The following SEC16B variants were observed in gnomAD, a reference collection of about 807,000 sequenced individuals.
The protein encoded by SEC16B is protein transport protein Sec16B.
SEC16B carries 115 observed loss-of-function variants against 141.8 expected under a neutral mutation model. That is an observed-to-expected ratio of 0.81 (90% CI 0.70 to 0.95). SEC16B has a LOEUF of 0.95. Among genes scored for constraint, SEC16B ranks in the 40% least tolerant of loss-of-function variants. SEC16B has a pLI of 0.00. For missense variants in SEC16B, 1,291 were observed against 1,312.3 expected (o/e 0.98, Z 0.25); for synonymous variants, 493 against 492.5 (o/e 1.00, Z -0.01).
intron 17 of SEC16B, among the ~76,000 whole-genome samples, chr1:177,940,063 G>A (rs1475755928): frequency 6.6e-6 from 1 of 152,146 alleles, no homozygotes; most frequent in African/African-American, 2.4e-5. Context: ...GCAGATAGAA[G>A]GGGTAGAGGC....
At chr1:177,935,842 G>A (rs1650799118) in intron 20 of SEC16B, among the ~76,000 whole-genome samples, 1 of 152,188 alleles carries the variant, frequency 6.6e-6, no homozygotes, top group African/African-American at 2.4e-5. Flanking sequence ...TAGATGGAAT[G>A]ATTCACCAGA....
intron 20 of SEC16B, among the ~76,000 whole-genome samples, chr1:177,934,016 T>G (rs1268201631): frequency 6.7e-6 from 1 of 148,616 alleles, no homozygotes; most frequent in African/African-American, 2.5e-5. Flanking sequence ...AAACAGAGAA[T>G]GTAGCAACCA....
chr1:177,944,735 C>T, intron 14 of SEC16B, 69 bp from the exon 15 acceptor site: 1 of 1,243,362 alleles, frequency 8.0e-7, no homozygotes, highest in Admixed American at 1.8e-5. Flanking sequence ...CCTAGTGGCT[C>T]TCCAAACACC....
At chr1:177,953,720 T>C (rs1652381203) in intron 11 of SEC16B, among the ~76,000 whole-genome samples, 1 of 152,214 alleles carries the variant, frequency 6.6e-6, no homozygotes, top group African/African-American at 2.4e-5. Flanking sequence ...GATCACAGTG[T>C]GCTGGCGTCA....
rs1314626735 is a variant in SEC16B, at chr1:177,968,170, T to C, written c.-58-131A>G. ...CTAAAACAAACCATATGGTCACGGA[T>C]ACAGAGAAATCTGAGAAACAATCTC... On this transcript the variant is annotated intron_variant, in intron 1 of 25. Coordinates refer to ENST00000308284, the MANE Select transcript of SEC16B (RefSeq NM_033127.4). 24 of 504,476 alleles carry C rather than the reference T, an allele frequency of 4.8e-5. No individual in the cohort carries two copies. In the South Asian group the frequency reaches 4.8e-4, roughly 10 times the overall value. The allele number at this position is 504,476 out of a possible 1,614,324, so 31.2% of individuals were successfully genotyped here.
At position 177,940,700 on chromosome 1, in the gene SEC16B, C is replaced by T; in HGVS notation, c.2037G>A (p.Leu679=). 6.2e-7 allele frequency: 1 copy of T among 1,613,370 alleles called. No homozygotes were observed. ...CTAAAACCAGAGGATCTGACAGCTT[C>T]AGTTTCTCTGCTAGCTGTGCCAGGT... The part of the protein sequence containing the change: ...LVELIKLAEK[L]KLSDPLVLER... The change falls in exon 17 of 26, where the codon CTG becomes CTA. Residue 679 remains leucine (L), a synonymous_variant. Coordinates refer to ENST00000308284, the MANE Select transcript of SEC16B (RefSeq NM_033127.4).
At chr1:177,962,306 A>G (rs1427841581) in intron 5 of SEC16B, among the ~76,000 whole-genome samples, 1 of 151,830 alleles carries the variant, frequency 6.6e-6, no homozygotes, top group Non-Finnish European at 1.5e-5. Flanking sequence ...TCTTGACATT[A>G]TGATCTGCCC....
chr1:177,961,829 T>A (rs1484755220), intron 5 of SEC16B, 95 bp from the exon 6 acceptor site: 1 of 1,127,810 alleles, frequency 8.9e-7, no homozygotes. Context: ...ACGGTGAAAG[T>A]GGATGTGTTG....
At chr1:177,957,433 T>G (rs866800630) in intron 10 of SEC16B, among the ~76,000 whole-genome samples, 85 of 152,214 alleles carry the variant, frequency 5.6e-4, no homozygotes, top group African/African-American at 1.9e-3. Flanking sequence ...ATATGCAATT[T>G]TATTTTCTTT....
chr1:177,976,928 C>A (rs1654189321), intron 1 of SEC16B, among the ~76,000 whole-genome samples: 1 of 152,080 alleles, frequency 6.6e-6, no homozygotes, highest in African/African-American at 2.4e-5. Context: ...GTGAAAACAA[C>A]AAAATTAGAA....
In SEC16B at chr1:177,954,349, G is replaced by C. The variant is rs1330155592; in HGVS notation, c.1393C>G (p.His465Asp). ...KEALEWAMKNHLWGHALFLSS... is the reference protein window; with the variant it reads ...KEALEWAMKNDLWGHALFLSS... ...AGGAACAAAGCATGGCCCCACAAGTGGTTCTTCATGGCCCACTCCAAGGCT... is the reference window on the plus strand; with the variant it reads ...AGGAACAAAGCATGGCCCCACAAGTCGTTCTTCATGGCCCACTCCAAGGCT... Residue 465 changes from histidine to aspartate, a missense_variant, in exon 11 of 26, where the codon CAC becomes GAC. Around this residue, in one of 3 missense-constraint regions of SEC16B, gnomAD observed 681 missense variants for 675.5 expected, o/e 1.01. Transcript: ENST00000308284. 7.6e-6 allele frequency: 12 copies of C among 1,574,570 alleles called. No individual in the cohort carries two copies. The Admixed American group carries it at 1.3e-4, about 17-fold the overall frequency.
At chr1:177,981,525 A>G (rs1031327805) in intron 1 of SEC16B, among the ~76,000 whole-genome samples, 1 of 152,232 alleles carries the variant, frequency 6.6e-6, no homozygotes, top group African/African-American at 2.4e-5. Flanking sequence ...ATAATTAATG[A>G]CTGAATAACT....
In SEC16B at chr1:177,967,792, C is replaced by A; in HGVS notation, c.190G>T (p.Ala64Ser). 1.2e-6 allele frequency: 2 copies of A among 1,614,018 alleles called. No homozygotes were observed. The highest frequency in any genetic ancestry group is 1.1e-5 in the South Asian group (1 of 91,080). Residue 64 changes from alanine (A) to serine (S), a missense_variant, in exon 2 of 26, where the codon GCA becomes TCA. Physicochemically the swap from Ala to Ser is moderately conservative, Grantham distance 99 (BLOSUM62 1). This residue lies in a region of SEC16B where 681 missense variants were observed against 675.5 expected (regional missense o/e 1.01). Coordinates refer to ENST00000308284, the MANE Select transcript of SEC16B (RefSeq NM_033127.4). ...GSPQPQQEPR[A>S]DHQQQPHYAS... ...TAATGGGGCTGCTGCTGATGGTCTG[C>A]CCTGGGCTCCTGCTGTGGCTGGGGG...
intron 20 of SEC16B, among the ~76,000 whole-genome samples, chr1:177,935,662 GAAAAA>G (rs60983376): frequency 7.1e-6 from 1 of 141,364 alleles, no homozygotes; most frequent in East Asian, 2.1e-4. Context: ...CTTCAGTCAG[GAAAAA>G]AAAAAAAACG....
chr1:177,982,507 G>C (rs555278255), intron 1 of SEC16B, among the ~76,000 whole-genome samples: 1 of 152,320 alleles, frequency 6.6e-6, no homozygotes, highest in Admixed American at 6.5e-5. Context: ...TAGGCTAGCA[G>C]GGCTGATGGA....
rs2101918466 is a variant in SEC16B, at chr1:177,940,567, CAA to C, written c.2127+41_2127+42del. 5 of 1,429,374 alleles carry C rather than the reference CAA, an allele frequency of 3.5e-6. 1 individual carries two copies. The South Asian group carries it at 4.6e-5, about 13-fold the overall frequency. 88.5% of individuals were successfully genotyped at this position (1,429,374 alleles called of 1,614,324 possible). A position where few individuals can be genotyped will look rare whatever the true frequency, so the allele number is the denominator to read the frequency against. Reference sequence around the variant, plus strand: ...ATGTCTAGGGGTGGGAAGAGGGAAACAAAGGCCAGTCCCCCCAACGCCCTGGC... The same window carrying C: ...ATGTCTAGGGGTGGGAAGAGGGAAACAGGCCAGTCCCCCCAACGCCCTGGC... On this transcript the variant is annotated intron_variant, in intron 17 of 25. Transcript: ENST00000308284.
intron 1 of SEC16B, among the ~76,000 whole-genome samples, chr1:177,976,758 C>G (rs1169689707): frequency 1.3e-5 from 2 of 152,178 alleles, no homozygotes; most frequent in African/African-American, 4.8e-5. Context: ...AAGTATTCTG[C>G]ACAAGTCATC....
intron 1 of SEC16B, among the ~76,000 whole-genome samples, chr1:177,977,594 A>C (rs897862779): frequency 6.6e-6 from 1 of 152,156 alleles, no homozygotes; most frequent in African/African-American, 2.4e-5. Context: ...TTCCTGATGC[A>C]TGATACACAC....
intron 15 of SEC16B, among the ~76,000 whole-genome samples, chr1:177,942,415 G>A (rs1171844107): frequency 6.6e-6 from 1 of 152,200 alleles, no homozygotes; most frequent in African/African-American, 2.4e-5. Context: ...AGGTGTGCTG[G>A]CTCATGCCTT....
Sources: allele counts gnomAD v4.1 joint callset (sites outside exome capture counted in the v4.1 genomes callset), GRCh38; gene constraint gnomAD v4.1.1; regional missense constraint gnomAD v4.1.1; transcripts MANE v1.5; gene names NCBI Gene and HGNC (gene_info 2026-07-23, HGNC 2026-07-21).